Variants in INCENP observed in about 807,000 individuals in gnomAD.
INCENP encodes binds and activates aurora-B and -C in vivo and in vitro.
A neutral mutation model predicts 107.3 loss-of-function variants in INCENP; 43 were observed. The ratio of observed to expected loss-of-function variants is 0.40; its 90% CI spans 0.31 to 0.52. The LOEUF (loss-of-function observed/expected upper bound fraction) is 0.52, where lower values mean the gene tolerates loss of function less well. INCENP is among the 20% of genes least tolerant of loss of function. The pLI, the probability that INCENP is intolerant of heterozygous loss-of-function variation, is 0.53. For missense variants in INCENP, 1,089 were observed against 1,250.9 expected, an observed-to-expected ratio of 0.87 and a Z score of 1.95; for synonymous variants, 488 against 494.4, an observed-to-expected ratio of 0.99 and a Z score of 0.17.
intron 11 of INCENP, among the ~76,000 whole-genome samples, chr11:62,142,053 T>C (rs1310025125): frequency 2.0e-5 from 3 of 152,160 alleles, no homozygotes; most frequent in Non-Finnish European, 2.9e-5. Context: ...CAGAAGCTGT[T>C]CTCTTCTCAG....
In INCENP at chr11:62,148,764, G is replaced by A. The variant is rs983671414; in HGVS notation, c.2309G>A (p.Arg770Gln). The part of the protein sequence containing the change: ...KKEEQQRLAE[R>Q]QLQEEQEKKA... ...GAAGAGCAGCAGCGTCTGGCTGAGC[G>A]GCAGCTGCAGGAGGAGCAAGAGAAG... The change falls in exon 17 of 19, where the codon CGG (arginine) becomes CAG (glutamine). Residue 770 changes from arginine (R) to glutamine (Q), a missense_variant. Transcript: ENST00000394818. The A allele has an allele frequency of 8.1e-6, 13 of 1,601,500 alleles. No individual in the cohort carries two copies. Among genetic ancestry groups the A allele is most frequent in the East Asian group, 2.2e-5 (1 of 44,720 alleles).
rs779184232 is a variant in INCENP, at chr11:62,150,107, T to C, written c.2442T>C (p.Pro814=). 5.6e-6 allele frequency: 9 copies of C among 1,613,758 alleles called. No homozygotes were observed. Among genetic ancestry groups the C allele is most frequent in the Middle Eastern group, 1.6e-4 (1 of 6,084 alleles). ...TGACTCCGCAAGGGCACAGGGCCCC[T>C]CCCAAGATCAACCCAGATAACTACG... is the stretch of plus-strand genomic sequence containing the variant. ...YQMTPQGHRA[P]PKINPDNYGM... is the part of the protein sequence containing the mutation. The change falls in exon 18 of 19, where the codon CCT becomes CCC. Residue 814 remains proline, a synonymous_variant. Transcript: ENST00000394818.
In INCENP at chr11:62,129,822, C is replaced by T; in HGVS notation, c.295C>T (p.Arg99Ter). Reference sequence around the variant, plus strand: ...GTCTCGGAGCAGCCAGCTGAGCTCCCGACGCCTCCGCAGCAAGGACAGTGT... The same window carrying T: ...GTCTCGGAGCAGCCAGCTGAGCTCCTGACGCCTCCGCAGCAAGGACAGTGT... The part of the protein sequence containing the change: ...RKSRSSQLSS[R>*]RLRSKDSVEK... The change falls in exon 4 of 19, where the codon CGA (arginine) becomes TGA (stop). Residue 99 changes from arginine (R) to a stop codon, truncating the protein, a stop_gained. Transcript: ENST00000394818. LOFTEE classifies it high-confidence loss of function. 1.9e-6 allele frequency: 3 copies of T among 1,610,794 alleles called. No individual in the cohort carries two copies. The highest frequency in any genetic ancestry group is 2.5e-6 in the Non-Finnish European group (3 of 1,179,714).
intron 14 of INCENP, 155 bp downstream of exon 14, chr11:62,145,906 C>T (rs554092742): frequency 4.1e-5 from 39 of 946,866 alleles, no homozygotes; most frequent in African/African-American, 3.1e-4. Flanking sequence ...GTCTCCAGGG[C>T]GGGGATGGTG....
At chr11:62,136,525 TA>T (rs1943998106) in intron 4 of INCENP, among the ~76,000 whole-genome samples, 1 of 151,938 alleles carries the variant, frequency 6.6e-6, no homozygotes, top group South Asian at 2.1e-4. Flanking sequence ...ACTAAAAATA[TA>T]AAAAATTAGC....
chr11:62,128,654 TGGACACCCCAGCTTGACCTGTCGCTGCCA>T, intron 2 of INCENP, 87 bp from the exon 3 acceptor site: 1 of 761,702 alleles, frequency 1.3e-6, no homozygotes, highest in Non-Finnish European at 2.3e-6. Flanking sequence ...CACTTGGTGC[TGGACACCCCAGCTTGACCTGTCGCTGCCA>T]GGAAATGGGC....
At chr11:62,136,433 G>A (rs148806363) in intron 4 of INCENP, among the ~76,000 whole-genome samples, 6,651 of 152,240 alleles carry the variant, frequency 0.044, 167 homozygotes, top group Non-Finnish European at 0.051. Flanking sequence ...TGTAATCCCA[G>A]CACTTTGGGA....
chr11:62,143,626 G>A (rs1340513596), intron 11 of INCENP, among the ~76,000 whole-genome samples: 4 of 152,182 alleles, frequency 2.6e-5, no homozygotes, highest in Admixed American at 2.6e-4. Context: ...CCGTTCCCGG[G>A]ACCCCTTCTC....
intron 11 of INCENP, 151 bp from the exon 12 acceptor site, chr11:62,144,831 G>A (rs1389133779): frequency 2.5e-6 from 2 of 795,920 alleles, no homozygotes; most frequent in Admixed American, 1.7e-5. Context: ...GGGTGCTGTT[G>A]GGGCCACGTT....
rs183324836 is a variant in INCENP at position 62,139,793 on chromosome 11, G to A, written c.1292-441G>A. ...CTTGGAGCTCCTGCTTCTACAAGGC[G>A]TCCACACACTGTTCTTCGTGTCAGA... On this transcript the variant is annotated intron_variant, in intron 7 of 18. Transcript: ENST00000394818. Among the ~76,000 whole-genome samples the A allele has an allele frequency of 5.7e-3, 870 of 152,312 alleles. 3 individuals are homozygous for A. Among genetic ancestry groups the A allele is most frequent in the Non-Finnish European group, 8.9e-3 (604 of 68,028 alleles).
Position 62,150,175 on chromosome 11 carries a change from A to G in INCENP, c.2510A>G (p.His837Arg), listed in dbSNP as rs1042751781. The G allele has an allele frequency of 2.5e-5, 40 of 1,613,906 alleles. No individual in the cohort carries two copies. The highest frequency in any genetic ancestry group is 2.2e-5 in the East Asian group (1 of 44,870). ...NSDDSTDDEAHPRKPIPTWAR... is the reference protein window; with the variant it reads ...NSDDSTDDEARPRKPIPTWAR... ...GACGACTCCACCGATGATGAGGCCC[A>G]TCCCCGGAAGCCCATCCCCACCTGG... The change falls in exon 18 of 19, where the codon CAT becomes CGT. Residue 837 changes from histidine (H) to arginine (R), a missense_variant. Coordinates refer to ENST00000394818, the MANE Select transcript of INCENP (RefSeq NM_001040694.2).
rs75609698 is a variant in INCENP, at chr11:62,129,478, G to A, written c.255-304G>A. 4.1e-3 allele frequency among the ~76,000 whole-genome samples: 629 copies of A among 152,328 alleles called. 4 individuals carry two copies. The highest frequency in any genetic ancestry group is 0.015 in the African/African-American group (604 of 41,572). On this transcript the variant is annotated intron_variant, in intron 3 of 18. Coordinates refer to ENST00000394818, the MANE Select transcript of INCENP (RefSeq NM_001040694.2). ...CTGGATTAAGGCAGAGCGTGTGTAA[G>A]GCTTTCAGCAGGGGCTCGGTGTGGT...
intron 11 of INCENP, among the ~76,000 whole-genome samples, chr11:62,143,673 A>G (rs1944173244): frequency 6.6e-6 from 1 of 152,154 alleles, no homozygotes; most frequent in Non-Finnish European, 1.5e-5. Flanking sequence ...TTGGAGCCAG[A>G]TTTCTAGGCG....
intron 10 of INCENP, 43 bp downstream of exon 10, chr11:62,141,087 A>G (rs536908652): frequency 1.3e-6 from 2 of 1,586,336 alleles, no homozygotes; most frequent in Admixed American, 1.8e-5. Flanking sequence ...GGAGCTGGGC[A>G]GTGTGGCTGA....
intron 15 of INCENP, 31 bp from the exon 16 acceptor site, chr11:62,148,445 C>G: frequency 6.3e-7 from 1 of 1,581,472 alleles, no homozygotes; most frequent in Non-Finnish European, 8.6e-7. Flanking sequence ...CCTCCACTTC[C>G]TGTCCTAACA....
chr11:62,134,592 C>T (rs1005071076), intron 4 of INCENP, among the ~76,000 whole-genome samples: 6 of 152,060 alleles, frequency 3.9e-5, no homozygotes, highest in Non-Finnish European at 8.8e-5. Context: ...AAGCCTATCA[C>T]CTGTTTACAT....
At chr11:62,141,471 T>C in intron 10 of INCENP, 29 bp from the exon 11 acceptor site, 1 of 1,613,974 alleles carries the variant, frequency 6.2e-7, no homozygotes, top group Non-Finnish European at 8.5e-7. Context: ...TGGCATTAAC[T>C]CTTGCCTTTT....
intron 4 of INCENP, among the ~76,000 whole-genome samples, chr11:62,131,947 A>T (rs1943902972): frequency 6.6e-6 from 1 of 151,810 alleles, no homozygotes; most frequent in Non-Finnish European, 1.5e-5. Context: ...ACACCAGGCT[A>T]ATTTTTGTGT....
chr11:62,132,222 A>T (rs1392556859), intron 4 of INCENP, among the ~76,000 whole-genome samples: 1 of 152,204 alleles, frequency 6.6e-6, no homozygotes, highest in African/African-American at 2.4e-5. Flanking sequence ...CACTTTACAG[A>T]GGAGGAAACT....
Sources: allele counts gnomAD v4.1 joint callset (sites outside exome capture counted in the v4.1 genomes callset), GRCh38; gene constraint gnomAD v4.1.1; transcripts MANE v1.5; gene names NCBI Gene and HGNC (gene_info 2026-07-23, HGNC 2026-07-21).